The following ANKFN1 variants were observed in gnomAD, a reference collection of about 807,000 sequenced individuals.
ANKFN1 encodes ankyrin repeat and fibronectin type-III domain-containing protein 1.
Under a neutral mutation model 108.7 loss-of-function variants are expected in ANKFN1, and 74 were observed. The observed-to-expected ratio is 0.68, with a 90% CI of 0.56 to 0.83. The LOEUF is 0.83. ANKFN1 is among the 40% of genes least tolerant of loss of function. The pLI is 0.00. For synonymous variants in ANKFN1, 547 were observed against 516.2 expected (o/e 1.06, Z -0.81); for missense variants, 1,505 against 1,382.3 (o/e 1.09, Z -1.41).
intron 4 of ANKFN1, among the ~76,000 whole-genome samples, chr17:56,049,718 A>G (rs1422664125): frequency 6.7e-6 from 1 of 149,302 alleles, no homozygotes; most frequent in Non-Finnish European, 1.5e-5. Context: ...AAAGGACATG[A>G]ACTCATCATT....
rs922754751 is a variant in ANKFN1 at position 56,511,891 on chromosome 17, C to CT, written c.*629dup. Among the ~76,000 whole-genome samples, 76 of 152,170 alleles carry CT rather than the reference C, an allele frequency of 5.0e-4. 1 individual carries two copies. Among genetic ancestry groups the CT allele is most frequent in the African/African-American group, 1.4e-3 (60 of 41,506 alleles). ...TCTGATTAAATAGGCCTTGACAGGCCTTTTTTTCTTCGTATAGTGCTGTGT... is the reference window on the plus strand; with the variant it reads ...TCTGATTAAATAGGCCTTGACAGGCCTTTTTTTTCTTCGTATAGTGCTGTGT... On this transcript the variant is annotated 3_prime_UTR_variant, in exon 21 of 21. Transcript: ENST00000682825.
intron 8 of ANKFN1, among the ~76,000 whole-genome samples, chr17:56,384,891 T>C (rs2047216268): frequency 2.0e-5 from 3 of 151,516 alleles, no homozygotes; most frequent in Non-Finnish European, 4.4e-5. Context: ...ATGGCCATAC[T>C]GCCCAAGGTA....
chr17:56,263,722 T>C (rs2043577831), intron 3 of ANKFN1, among the ~76,000 whole-genome samples: 1 of 152,214 alleles, frequency 6.6e-6, no homozygotes, highest in South Asian at 2.1e-4. Context: ...GGGGAAAGAA[T>C]AACAGAGGGG....
chr17:56,416,322 C>T (rs1289612807), intron 8 of ANKFN1, among the ~76,000 whole-genome samples: 1 of 151,978 alleles, frequency 6.6e-6, no homozygotes, highest in Admixed American at 6.6e-5. Flanking sequence ...GATTAATAAC[C>T]AGAATATATA....
At chr17:56,156,014 TTGTGTA>T (rs959222240) in intron 1 of ANKFN1, among the ~76,000 whole-genome samples, 18 of 152,030 alleles carry the variant, frequency 1.2e-4, no homozygotes, top group African/African-American at 4.3e-4. Flanking sequence ...GGCTGACCTA[TTGTGTA>T]ATTTGGGCAA....
Position 56,106,494 on chromosome 17 carries a change from G to A in ANKFN1, c.288+60169G>A, listed in dbSNP as rs148665932. On this transcript the variant is annotated intron_variant, in intron 4 of 12. Coordinates refer to the ANKFN1 transcript ENST00000635860. ...ACAAAATCCCACCTGGCTCTCAAAC[G>A]CTAGGCTTTGCGGATTGATTTCACT... is the stretch of plus-strand genomic sequence containing the variant. Among the ~76,000 whole-genome samples, 23 of 152,258 alleles carry A rather than the reference G, an allele frequency of 1.5e-4. No individual in the cohort carries two copies. In the East Asian group the frequency reaches 3.9e-3, roughly 26 times the overall value.
intron 18 of ANKFN1, among the ~76,000 whole-genome samples, chr17:56,485,871 T>G (rs1226502075): frequency 6.6e-6 from 1 of 152,166 alleles, no homozygotes; most frequent in Non-Finnish European, 1.5e-5. Context: ...ACCCCAGAGA[T>G]GCTGAGTCAG....
chr17:56,196,026 G>A (rs1048891167), intron 1 of ANKFN1, among the ~76,000 whole-genome samples: 6 of 152,156 alleles, frequency 3.9e-5, no homozygotes, highest in African/African-American at 1.4e-4. Context: ...TCTCACCTTG[G>A]AAGGCTGAGG....
At chr17:56,458,075 TCC>T (rs1295083151) in intron 14 of ANKFN1, 96 bp downstream of exon 14, 2 of 1,007,770 alleles carry the variant, frequency 2.0e-6, no homozygotes. Flanking sequence ...AAGGATGGGC[TCC>T]CTTCTCTTTC....
intron 3 of ANKFN1, among the ~76,000 whole-genome samples, chr17:56,263,364 AG>A (rs2043569940): frequency 1.3e-5 from 2 of 152,240 alleles, no homozygotes; most frequent in Admixed American, 1.3e-4. Context: ...CTTTTATACC[AG>A]GGTGGTCTGA....
chr17:56,063,144 A>T (rs9911249), intron 4 of ANKFN1, among the ~76,000 whole-genome samples: 100,320 of 151,936 alleles, frequency 0.66, 34,434 homozygotes, highest in Non-Finnish European at 0.78. Context: ...CCTTTCTCTC[A>T]GGCTGCCCTT....
At chr17:56,232,867 C>T (rs1368923188) in intron 3 of ANKFN1, among the ~76,000 whole-genome samples, 1 of 152,106 alleles carries the variant, frequency 6.6e-6, no homozygotes, top group Non-Finnish European at 1.5e-5. Context: ...ACTTAAAATA[C>T]ATTATACTGC....
At chr17:56,092,064 T>C (rs1326144081) in intron 4 of ANKFN1, among the ~76,000 whole-genome samples, 1 of 151,286 alleles carries the variant, frequency 6.6e-6, no homozygotes, top group East Asian at 1.9e-4. Flanking sequence ...AAAATTATCA[T>C]AAAGCATATG....
intron 3 of ANKFN1, among the ~76,000 whole-genome samples, chr17:56,262,087 G>C (rs530232842): frequency 6.6e-6 from 1 of 152,166 alleles, no homozygotes; most frequent in African/African-American, 2.4e-5. Context: ...AGCCCTCCAA[G>C]AATTCTGATA....
intron 4 of ANKFN1, among the ~76,000 whole-genome samples, chr17:56,144,418 G>A (rs894850384): frequency 6.6e-6 from 1 of 152,126 alleles, no homozygotes. Flanking sequence ...GTCTACACAG[G>A]CACTAAAGTA....
At chr17:56,163,167 T>A (rs1364988776) in intron 1 of ANKFN1, among the ~76,000 whole-genome samples, 1 of 152,146 alleles carries the variant, frequency 6.6e-6, no homozygotes, top group East Asian at 1.9e-4. Flanking sequence ...CCCAGCCCGT[T>A]CTTTCTCTTT....
chr17:56,385,037 G>A (rs923272634), intron 8 of ANKFN1, among the ~76,000 whole-genome samples: 29 of 151,578 alleles, frequency 1.9e-4, no homozygotes, highest in African/African-American at 6.3e-4. Flanking sequence ...AAAGAACAAA[G>A]CTGGAGGCAT....
At chr17:56,385,792 A>G (rs1395719301) in intron 8 of ANKFN1, among the ~76,000 whole-genome samples, 1 of 152,226 alleles carries the variant, frequency 6.6e-6, no homozygotes, top group African/African-American at 2.4e-5. Flanking sequence ...CACCAGTTAG[A>G]ATGGCAATCA....
intron 20 of ANKFN1, among the ~76,000 whole-genome samples, chr17:56,508,252 A>G (rs1400004417): frequency 9.9e-5 from 15 of 152,186 alleles, no homozygotes; most frequent in Admixed American, 9.8e-4. Context: ...CATCTTGTCA[A>G]TTCTTCAAAA....
Sources: gnomAD v4.1 joint callset for allele counts (sites outside exome capture counted in the v4.1 genomes callset) on GRCh38, gnomAD v4.1.1 for gene constraint, MANE v1.5 for transcripts, NCBI Gene and HGNC (gene_info 2026-07-23, HGNC 2026-07-21) for gene names.